The following ENTPD5 variants were observed in gnomAD, a reference collection of about 807,000 sequenced individuals.
ENTPD5 encodes the protein ectonucleoside triphosphate diphosphohydrolase 5 (inactive), also known as nucleoside diphosphate phosphatase ENTPD5.
ENTPD5 carries 49 observed loss-of-function variants against 60.2 expected under a neutral mutation model. That is an observed-to-expected ratio of 0.81 (90% CI 0.65 to 1.03). The LOEUF (loss-of-function observed/expected upper bound fraction) is 1.03. Ranked by LOEUF, ENTPD5 falls within the 50% of genes least tolerant of loss-of-function variation. The probability of loss-of-function intolerance (pLI) is 0.00; values close to 1 mark genes in which losing one functional copy is unlikely to be tolerated. For synonymous variants in ENTPD5, 187 were observed against 185.4 expected, an observed-to-expected ratio of 1.01 and a Z score of -0.07; for missense variants, 480 against 507.6, an observed-to-expected ratio of 0.95 and a Z score of 0.52.
At position 73,988,044 on chromosome 14, in the gene ENTPD5, G is replaced by A. The variant is rs1296596217; in HGVS notation, c.59C>T (p.Ala20Val). ...FMLVVSCVCS[A>V]VSHRNQQTWF... ...AGTCTGCTGGTTCCTGTGGGAGACA[G>A]CGCTGCAAACACAGGATACCACCAG... The change falls in exon 4 of 16, where the codon GCT becomes GTT. Residue 20 changes from alanine (A) to valine (V), a missense_variant. By Grantham distance (64) the Ala-to-Val change is moderately conservative. Coordinates refer to ENST00000334696, the MANE Select transcript of ENTPD5 (RefSeq NM_001249.5). The A allele has an allele frequency of 1.2e-6, 2 of 1,613,888 alleles. No homozygotes were observed. Among genetic ancestry groups the A allele is most frequent in the Non-Finnish European group, 1.7e-6 (2 of 1,180,018 alleles).
chr14:74,002,330 G>C (rs1414621120), intron 3 of ENTPD5, among the ~76,000 whole-genome samples: 1 of 152,126 alleles, frequency 6.6e-6, no homozygotes, highest in African/African-American at 2.4e-5. Context: ...GGGGAGGCGA[G>C]TGTAGAGCAG....
downstream of ENTPD5, among the ~76,000 whole-genome samples, chr14:73,957,107 T>A (rs1457498049): frequency 5.3e-5 from 8 of 150,428 alleles, no homozygotes; most frequent in African/African-American, 1.9e-4. Context: ...TATTATTTTT[T>A]TTTTTTTGGA....
intron 3 of ENTPD5, among the ~76,000 whole-genome samples, chr14:74,009,792 G>T (rs372685951): frequency 1.9e-4 from 27 of 144,256 alleles, no homozygotes; most frequent in Middle Eastern, 3.6e-3. Flanking sequence ...GCATGTTTTC[G>T]ATTTTTTTTT....
At chr14:73,988,434 G>A (rs1315887112) in intron 3 of ENTPD5, among the ~76,000 whole-genome samples, 1 of 152,152 alleles carries the variant, frequency 6.6e-6, no homozygotes, top group Admixed American at 6.5e-5. Flanking sequence ...TGGAATACAT[G>A]TGATATTTTG....
chr14:73,984,170 G>T (rs532732117), intron 5 of ENTPD5, among the ~76,000 whole-genome samples: 2 of 152,196 alleles, frequency 1.3e-5, no homozygotes, highest in African/African-American at 4.8e-5. Context: ...TGGGATTACA[G>T]GCATGCGCCA....
intron 12 of ENTPD5, 72 bp downstream of exon 12, chr14:73,973,805 A>C: frequency 7.4e-7 from 1 of 1,348,852 alleles, no homozygotes; most frequent in Non-Finnish European, 1.1e-6. Flanking sequence ...GTTCTGGAAA[A>C]AGTTTCCCAT....
At chr14:73,962,781 C>T (rs914811058), downstream of ENTPD5, 4 of 613,040 alleles carry the variant, frequency 6.5e-6, no homozygotes, top group Non-Finnish European at 1.2e-5. Flanking sequence ...CACACCACTG[C>T]ACTCCAGCCC....
intron 2 of ENTPD5, among the ~76,000 whole-genome samples, chr14:74,012,436 C>T (rs1594962218): frequency 6.6e-6 from 1 of 152,166 alleles, no homozygotes; most frequent in Admixed American, 6.6e-5. Context: ...ACACTGATTA[C>T]TTAACAGAGT....
intron 6 of ENTPD5, among the ~76,000 whole-genome samples, chr14:73,977,783 T>A (rs1461059921): frequency 7.9e-5 from 12 of 152,312 alleles, no homozygotes. Flanking sequence ...ATGAACCTGC[T>A]GTGGTGAAGT....
intron 5 of ENTPD5, among the ~76,000 whole-genome samples, chr14:73,985,820 T>G (rs983239200): frequency 1.3e-5 from 2 of 152,016 alleles, no homozygotes; most frequent in African/African-American, 2.4e-5. Context: ...ACACCTGTAA[T>G]CCCAGCACTT....
intron 3 of ENTPD5, among the ~76,000 whole-genome samples, chr14:74,006,556 T>TA (rs1467529222): frequency 6.6e-6 from 1 of 151,798 alleles, no homozygotes; most frequent in Non-Finnish European, 1.5e-5. Flanking sequence ...GTGCTGATAT[T>TA]ACAGGTGTGA....
At chr14:74,010,186 C>G (rs1007490222) in intron 3 of ENTPD5, among the ~76,000 whole-genome samples, 6 of 152,216 alleles carry the variant, frequency 3.9e-5, no homozygotes, top group Admixed American at 3.9e-4. Flanking sequence ...CTCAGCCTCC[C>G]AAGTCCCAAA....
chr14:74,015,893 A>C lies in ENTPD5; in HGVS notation c.-200T>G, dbSNP rs138306128. ...TTGTCTGTATGAGGATTCAGCCAAG[A>C]CACTCCACATTTCTTTGTTGACCAG... is the stretch of plus-strand genomic sequence containing the variant. On this transcript the variant is annotated 5_prime_UTR_variant, in exon 2 of 16. Transcript: ENST00000334696. The C allele has an allele frequency of 3.7e-3, 559 of 152,332 alleles. 2 individuals carry two copies. The highest frequency in any genetic ancestry group is 0.013 in the African/African-American group (545 of 41,576). 9.4% of individuals were successfully genotyped at this position (152,332 alleles called of 1,614,324 possible). A position where few individuals can be genotyped will look rare whatever the true frequency, so the allele number is the denominator to read the frequency against.
At position 73,976,033 on chromosome 14, in the gene ENTPD5, CAA is replaced by C. The variant is rs768671880; in HGVS notation, c.643-20_643-19del. The C allele has an allele frequency of 1.4e-5, 23 of 1,596,190 alleles. No homozygotes were observed. The highest frequency in any genetic ancestry group is 2.0e-5 in the Non-Finnish European group (23 of 1,167,394). Reference sequence around the variant, plus strand: ...AGAGTTTTCTGCAAATCAGAAAAAGCAAAAAGACTATTCAGGATCTGTAATTA... The same window carrying C: ...AGAGTTTTCTGCAAATCAGAAAAAGCAAAGACTATTCAGGATCTGTAATTA... On this transcript the variant is annotated intron_variant, in intron 9 of 15. Transcript: ENST00000334696.
chr14:73,976,240 G>A, intron 9 of ENTPD5, 84 bp downstream of exon 9: 1 of 1,196,634 alleles, frequency 8.4e-7, no homozygotes. Context: ...TAGAGCTGCT[G>A]GCTGAAAATG....
At chr14:73,981,827 A>G (rs2057704011) in intron 6 of ENTPD5, among the ~76,000 whole-genome samples, 1 of 151,914 alleles carries the variant, frequency 6.6e-6, no homozygotes, top group South Asian at 2.1e-4. Context: ...AAAAAAATCA[A>G]ACTTTAAAGT....
At chr14:73,984,514 T>C (rs1395243967) in intron 5 of ENTPD5, among the ~76,000 whole-genome samples, 1 of 152,184 alleles carries the variant, frequency 6.6e-6, no homozygotes, top group Non-Finnish European at 1.5e-5. Flanking sequence ...CAATTTGTAA[T>C]AAATGAAAAC....
At chr14:73,968,452 T>G (rs1033923832) in intron 15 of ENTPD5, among the ~76,000 whole-genome samples, 1 of 150,940 alleles carries the variant, frequency 6.6e-6, no homozygotes, top group Admixed American at 6.6e-5. Flanking sequence ...GAGACGGAGT[T>G]TCGCTCTTTG....
intron 15 of ENTPD5, among the ~76,000 whole-genome samples, chr14:73,969,555 T>A (rs1376515940): frequency 6.6e-6 from 1 of 151,850 alleles, no homozygotes; most frequent in Non-Finnish European, 1.5e-5. Context: ...TACAAAAAAA[T>A]TAGCCAGGAG....
Sources: allele counts gnomAD v4.1 joint callset (sites outside exome capture counted in the v4.1 genomes callset), GRCh38; gene constraint gnomAD v4.1.1; transcripts MANE v1.5; gene names NCBI Gene and HGNC (gene_info 2026-07-23, HGNC 2026-07-21).